The following CDC7 variants were observed in gnomAD, a reference collection of about 807,000 sequenced individuals.
The protein encoded by CDC7 is cell division cycle 7-related protein kinase.
A neutral mutation model predicts 53.5 loss-of-function variants in CDC7; 34 were observed. The observed-to-expected ratio is 0.64, with a 90% CI of 0.48 to 0.85. CDC7 has a LOEUF of 0.85. CDC7 is among the 40% of genes least tolerant of loss of function. The probability of loss-of-function intolerance (pLI) is 0.00; values close to 1 mark genes in which losing one functional copy is unlikely to be tolerated. For synonymous variants in CDC7, 211 were observed against 222.8 expected (o/e 0.95, Z 0.47); for missense variants, 594 against 679.7 (o/e 0.87, Z 1.40).
chr1:91,508,477 G>T, intron 4 of CDC7, 80 bp downstream of exon 4: 1 of 1,092,020 alleles, frequency 9.2e-7, no homozygotes, highest in Non-Finnish European at 1.3e-6. Context: ...AGGGATGAGG[G>T]GATTATATGT....
chr1:91,524,583 AT>A lies in CDC7; in HGVS notation c.*150del. The A allele has an allele frequency of 1.6e-6, 1 of 629,780 alleles. No homozygotes were observed. Among genetic ancestry groups the A allele is most frequent in the Non-Finnish European group, 2.7e-6 (1 of 373,536 alleles). 39.0% of individuals were successfully genotyped at this position (629,780 alleles called of 1,614,324 possible). A position where few individuals can be genotyped will look rare whatever the true frequency, so the allele number is the denominator to read the frequency against. ...TTTGGTGGCACATTCTAAAATATAG[AT>A]TAAGAATACTTAAAATGCCTGGGAT... On this transcript the variant is annotated 3_prime_UTR_variant, in exon 12 of 12. Transcript: ENST00000234626.
chr1:91,520,308 C>CA, intron 11 of CDC7, 29 bp downstream of exon 11: 1 of 1,498,074 alleles, frequency 6.7e-7, no homozygotes, highest in Non-Finnish European at 8.9e-7. Context: ...TAGAACCAAA[C>CA]AAAATGCCTT....
At position 91,524,859 on chromosome 1, in the gene CDC7, G is replaced by A. The variant is rs1668181438; in HGVS notation, c.*424G>A. ...GTATAGTTTGGGGAAACTCAACCTG[G>A]TGCTGGTGCTCTTAACAATTTTGTA... On this transcript the variant is annotated 3_prime_UTR_variant, in exon 12 of 12. Coordinates refer to ENST00000234626, the MANE Select transcript of CDC7 (RefSeq NM_003503.4). 6.5e-6 allele frequency: 1 copy of A among 153,616 alleles called. No homozygotes were observed. The highest frequency in any genetic ancestry group is 2.4e-5 in the African/African-American group (1 of 40,996). 9.5% of individuals were successfully genotyped at this position (153,616 alleles called of 1,614,324 possible).
At chr1:91,515,026 C>T in intron 9 of CDC7, 29 bp downstream of exon 9, 1 of 1,581,548 alleles carries the variant, frequency 6.3e-7, no homozygotes, top group South Asian at 1.1e-5. Flanking sequence ...GTTATAAAAT[C>T]ACCAGCATGC....
At position 91,524,826 on chromosome 1, in the gene CDC7, T is replaced by C. The variant is rs902270869; in HGVS notation, c.*391T>C. The C allele has an allele frequency of 8.7e-5, 14 of 160,578 alleles. No individual in the cohort carries two copies. Among genetic ancestry groups the C allele is most frequent in the Non-Finnish European group, 1.9e-4 (14 of 73,882 alleles). 9.9% of individuals were successfully genotyped at this position (160,578 alleles called of 1,614,324 possible). On this transcript the variant is annotated 3_prime_UTR_variant, in exon 12 of 12. Coordinates refer to ENST00000234626, the MANE Select transcript of CDC7 (RefSeq NM_003503.4). ...TAATTTGTAGATTCTTTTAGAGTTATGAGCTAGGTATAGTTTGGGGAAACT... is the reference window on the plus strand; with the variant it reads ...TAATTTGTAGATTCTTTTAGAGTTACGAGCTAGGTATAGTTTGGGGAAACT...
chr1:91,518,072 C>A (rs1338601230), intron 10 of CDC7, among the ~76,000 whole-genome samples: 1 of 103,516 alleles, frequency 9.7e-6, no homozygotes, highest in Non-Finnish European at 1.7e-5. Flanking sequence ...CCAGCCTGAG[C>A]AACAGAGTGA....
At chr1:91,509,585 T>C (rs572961693) in intron 4 of CDC7, among the ~76,000 whole-genome samples, 3 of 152,292 alleles carry the variant, frequency 2.0e-5, no homozygotes, top group African/African-American at 7.2e-5. Flanking sequence ...TGCCACTACC[T>C]CAGATGAAGC....
chr1:91,521,150 G>T (rs1667924109), intron 11 of CDC7, among the ~76,000 whole-genome samples: 1 of 152,174 alleles, frequency 6.6e-6, no homozygotes, highest in African/African-American at 2.4e-5. Context: ...CTCAACCCCA[G>T]GATCAGTGGG....
chr1:91,521,582 A>C (rs1300618402), intron 11 of CDC7, among the ~76,000 whole-genome samples: 1 of 152,250 alleles, frequency 6.6e-6, no homozygotes, highest in Non-Finnish European at 1.5e-5. Flanking sequence ...AGCAAGATTG[A>C]TATCTTAGAA....
intron 2 of CDC7, among the ~76,000 whole-genome samples, chr1:91,503,246 GAACATTGGACATTAT>G (rs1467583038): frequency 1.3e-5 from 2 of 152,086 alleles, no homozygotes; most frequent in African/African-American, 4.8e-5. Context: ...TTATGTAACA[GAACATTGGACATTAT>G]AATATGATAA....
At chr1:91,518,330 G>A (rs924257875) in intron 10 of CDC7, among the ~76,000 whole-genome samples, 1 of 151,988 alleles carries the variant, frequency 6.6e-6, no homozygotes, top group African/African-American at 2.4e-5. Flanking sequence ...CAATTTGGAC[G>A]TTCCTCAAAA....
At position 91,511,808 on chromosome 1, in the gene CDC7, G is replaced by T; in HGVS notation, c.457G>T (p.Glu153Ter). Reference protein sequence around the residue: ...LDILNSLSFQEVREYMLNLFK... With the variant: ...LDILNSLSFQ ...CATTCTGAATTCTCTTTCCTTTCAA[G>T]AAGTACGGGAATATATGCTTAATCT... Residue 153 changes from glutamate to a stop codon, truncating the protein, a stop_gained, in exon 6 of 12, where the codon GAA becomes TAA. Coordinates refer to ENST00000234626, the MANE Select transcript of CDC7 (RefSeq NM_003503.4). LOFTEE classifies it high-confidence loss of function. The T allele has an allele frequency of 6.2e-7, 1 of 1,604,772 alleles. No homozygotes were observed. Among genetic ancestry groups the T allele is most frequent in the Non-Finnish European group, 8.5e-7 (1 of 1,173,198 alleles).
chr1:91,515,070 A>C, intron 9 of CDC7, 73 bp downstream of exon 9: 1 of 1,333,906 alleles, frequency 7.5e-7, no homozygotes. Context: ...TGGGTGGATA[A>C]TTTTGTGAGT....
At chr1:91,521,271 G>T (rs879107095) in intron 11 of CDC7, among the ~76,000 whole-genome samples, 2 of 152,204 alleles carry the variant, frequency 1.3e-5, no homozygotes, top group Non-Finnish European at 2.9e-5. Flanking sequence ...AGATACTTAG[G>T]AAGGCTCCAG....
At chr1:91,502,817 T>A (rs1266226587) in intron 2 of CDC7, among the ~76,000 whole-genome samples, 1 of 152,192 alleles carries the variant, frequency 6.6e-6, no homozygotes, top group Non-Finnish European at 1.5e-5. Context: ...CTGCTTGCAC[T>A]TTTCCATTCT....
intron 11 of CDC7, among the ~76,000 whole-genome samples, chr1:91,521,390 T>C (rs1482377272): frequency 6.6e-6 from 1 of 152,220 alleles, no homozygotes; most frequent in East Asian, 1.9e-4. Flanking sequence ...TAGTCTAATC[T>C]ACAAGAAAAA....
At chr1:91,515,061 G>C (rs1419515834) in intron 9 of CDC7, 64 bp downstream of exon 9, 16 of 1,447,634 alleles carry the variant, frequency 1.1e-5, no homozygotes, top group African/African-American at 2.8e-5. Context: ...GCATTGACTT[G>C]GGTGGATAAT....
At chr1:91,518,125 A>C (rs929403752) in intron 10 of CDC7, among the ~76,000 whole-genome samples, 2 of 140,128 alleles carry the variant, frequency 1.4e-5, no homozygotes, top group African/African-American at 5.1e-5. Flanking sequence ...AAGGTGATAC[A>C]GTAGCCCAAG....
chr1:91,515,894 TA>T lies in CDC7; in HGVS notation c.1180+19del, dbSNP rs1316881509. ...AACTACAGGTATGTTGTACTGGAAA[TA>T]CAGAACCTAGTTAAAATGGATTGTT... On this transcript the variant is annotated intron_variant, in intron 10 of 11. Transcript: ENST00000234626. 4 of 1,574,324 alleles carry T rather than the reference TA, an allele frequency of 2.5e-6. No homozygotes were observed. In the Admixed American group the frequency reaches 6.7e-5, roughly 26 times the overall value.
Sources: gnomAD v4.1 joint callset for allele counts (sites outside exome capture counted in the v4.1 genomes callset) on GRCh38, gnomAD v4.1.1 for gene constraint, MANE v1.5 for transcripts, NCBI Gene and HGNC (gene_info 2026-07-23, HGNC 2026-07-21) for gene names.